ARHGAP42: variants seen among roughly 807,000 people sequenced by gnomAD.
ARHGAP42 encodes the protein Rho GTPase activating protein 42.
In ARHGAP42, 63 loss-of-function variants were observed where a neutral mutation model predicts 125.0. That is an observed-to-expected ratio of 0.50 (90% CI 0.41 to 0.62). The LOEUF is 0.62. ARHGAP42 is among the 20% of genes least tolerant of loss of function. The pLI is 0.00. For synonymous variants in ARHGAP42, 339 were observed against 351.0 expected, an observed-to-expected ratio of 0.97 and a Z score of 0.38; for missense variants, 766 against 1,024.2, an observed-to-expected ratio of 0.75 and a Z score of 3.44.
chr11:100,924,403 A>C (rs1024338108), intron 6 of ARHGAP42, among the ~76,000 whole-genome samples: 2 of 152,064 alleles, frequency 1.3e-5, no homozygotes, highest in African/African-American at 4.8e-5. Context: ...ACAGTGGCTC[A>C]TGCCTGTAAT....
intron 22 of ARHGAP42, among the ~76,000 whole-genome samples, chr11:100,982,820 T>C (rs1858578001): frequency 6.6e-6 from 1 of 152,138 alleles, no homozygotes; most frequent in Non-Finnish European, 1.5e-5. Flanking sequence ...GACAAAAAGC[T>C]CAACAAAGTT....
intron 1 of ARHGAP42, among the ~76,000 whole-genome samples, chr11:100,730,807 T>C (rs1454935056): frequency 6.6e-6 from 1 of 152,228 alleles, no homozygotes; most frequent in Non-Finnish European, 1.5e-5. Context: ...ACCTAGGCTA[T>C]ATGATAAAGC....
chr11:100,895,619 T>G (rs1485319376), intron 4 of ARHGAP42, among the ~76,000 whole-genome samples: 1 of 151,770 alleles, frequency 6.6e-6, no homozygotes, highest in Admixed American at 6.6e-5. Context: ...GAAGAAATGC[T>G]GAAGGAGAAG....
chr11:100,857,323 G>A (rs1436855807), intron 3 of ARHGAP42, among the ~76,000 whole-genome samples: 1 of 152,086 alleles, frequency 6.6e-6, no homozygotes, highest in Non-Finnish European at 1.5e-5. Context: ...CCACAGGGTG[G>A]CTGTTAATTA....
Position 100,989,051 on chromosome 11 carries a change from T to A in ARHGAP42, c.*250T>A. 2.0e-6 allele frequency: 1 copy of A among 488,792 alleles called. No homozygotes were observed. Among genetic ancestry groups the A allele is most frequent in the Non-Finnish European group, 3.6e-6 (1 of 273,978 alleles). The allele number at this position is 488,792 out of a possible 1,614,324, so 30.3% of individuals were successfully genotyped here. ...GTGAAAAATGTGTTTTTGGATAATA[T>A]GTAACTCTCCACAATGTCGCTTCCG... On this transcript the variant is annotated 3_prime_UTR_variant, in exon 24 of 24. Coordinates refer to ENST00000298815, the MANE Select transcript of ARHGAP42 (RefSeq NM_152432.4).
intron 2 of ARHGAP42, among the ~76,000 whole-genome samples, chr11:100,790,982 CTTA>C (rs1565215386): frequency 6.6e-6 from 1 of 152,116 alleles, no homozygotes; most frequent in East Asian, 1.9e-4. Context: ...CCAGATTTTG[CTTA>C]AGGAAAGTCT....
At chr11:100,786,854 T>A (rs1314561314) in intron 2 of ARHGAP42, among the ~76,000 whole-genome samples, 1 of 152,156 alleles carries the variant, frequency 6.6e-6, no homozygotes, top group Non-Finnish European at 1.5e-5. Flanking sequence ...TTTGGCTCTG[T>A]GTCCTCACCC....
intron 3 of ARHGAP42, among the ~76,000 whole-genome samples, chr11:100,830,282 T>A (rs1214915352): frequency 6.6e-6 from 1 of 152,206 alleles, no homozygotes; most frequent in Non-Finnish European, 1.5e-5. Flanking sequence ...ATTGCCTCAG[T>A]AAGTAAAAAT....
intron 4 of ARHGAP42, among the ~76,000 whole-genome samples, chr11:100,877,861 C>T (rs1286444831): frequency 6.6e-6 from 1 of 151,772 alleles, no homozygotes; most frequent in African/African-American, 2.4e-5. Flanking sequence ...AAAAATTAGC[C>T]AGACGTGGTG....
chr11:100,912,273 T>C (rs1394515963), intron 4 of ARHGAP42, among the ~76,000 whole-genome samples: 1 of 152,184 alleles, frequency 6.6e-6, no homozygotes, highest in African/African-American at 2.4e-5. Flanking sequence ...CCTCTCTCCT[T>C]CTTTCCCTTC....
At chr11:100,828,125 G>T (rs139853714) in intron 3 of ARHGAP42, among the ~76,000 whole-genome samples, 1 of 152,090 alleles carries the variant, frequency 6.6e-6, no homozygotes, top group Admixed American at 6.6e-5. Context: ...AGAATGCCTT[G>T]CTTTGTTTGA....
intron 9 of ARHGAP42, among the ~76,000 whole-genome samples, chr11:100,943,271 G>T (rs180929291): frequency 4.0e-5 from 6 of 151,866 alleles, no homozygotes; most frequent in Middle Eastern, 3.4e-3. Context: ...TATTATTTCC[G>T]TAGCTCTCTT....
intron 17 of ARHGAP42, among the ~76,000 whole-genome samples, chr11:100,970,982 T>C (rs928557117): frequency 1.8e-4 from 27 of 151,898 alleles, no homozygotes; most frequent in African/African-American, 5.8e-4. Context: ...GCCAACCCCA[T>C]GAGATACTGC....
At chr11:100,904,751 A>T (rs558170555) in intron 4 of ARHGAP42, among the ~76,000 whole-genome samples, 18 of 152,204 alleles carry the variant, frequency 1.2e-4, no homozygotes, top group Non-Finnish European at 2.5e-4. Flanking sequence ...AACCAGATAG[A>T]TTTAATTTTA....
chr11:100,835,395 T>C (rs755297570), intron 3 of ARHGAP42, among the ~76,000 whole-genome samples: 28 of 152,200 alleles, frequency 1.8e-4, no homozygotes, highest in Non-Finnish European at 3.5e-4. Context: ...TCCTAAGGTG[T>C]CCTTGACTTT....
chr11:100,705,775 C>T (rs1265784674), intron 1 of ARHGAP42, among the ~76,000 whole-genome samples: 1 of 151,924 alleles, frequency 6.6e-6, no homozygotes. Flanking sequence ...CTGTGTTGCC[C>T]AGGCTGGTCT....
At chr11:100,810,554 C>T (rs1308860807) in intron 3 of ARHGAP42, among the ~76,000 whole-genome samples, 2 of 152,160 alleles carry the variant, frequency 1.3e-5, no homozygotes, top group African/African-American at 4.8e-5. Context: ...ATGATGTACT[C>T]TTCATTTGCA....
At chr11:100,817,147 G>A (rs888021668) in intron 3 of ARHGAP42, among the ~76,000 whole-genome samples, 4 of 152,132 alleles carry the variant, frequency 2.6e-5, no homozygotes, top group Non-Finnish European at 4.4e-5. Context: ...TTTTGAGCAG[G>A]GTGCTTTCCT....
chr11:100,750,575 C>T (rs1438429369), intron 1 of ARHGAP42, among the ~76,000 whole-genome samples: 2 of 148,126 alleles, frequency 1.4e-5, no homozygotes, highest in East Asian at 4.0e-4. Context: ...GTGTCCTTCC[C>T]CTATTGGCTA....
Sources: allele counts gnomAD v4.1 joint callset (sites outside exome capture counted in the v4.1 genomes callset), GRCh38; gene constraint gnomAD v4.1.1; transcripts MANE v1.5; gene names NCBI Gene and HGNC (gene_info 2026-07-23, HGNC 2026-07-21).